Variants in GRK3 observed in about 807,000 individuals in gnomAD.
The protein encoded by GRK3 is adrenergic, beta, receptor kinase 2.
A neutral mutation model predicts 95.7 loss-of-function variants in GRK3; 54 were observed. The ratio of observed to expected loss-of-function variants is 0.56; its 90% CI spans 0.45 to 0.71. GRK3 has a LOEUF of 0.71. GRK3 is among the 30% of genes least tolerant of loss of function. The pLI, the probability that GRK3 is intolerant of heterozygous loss-of-function variation, is 0.00. For missense variants in GRK3, 649 were observed against 851.2 expected, an observed-to-expected ratio of 0.76 and a Z score of 2.96; for synonymous variants, 281 against 290.8, an observed-to-expected ratio of 0.97 and a Z score of 0.34.
chr22:25,649,225 A>G, intron 3 of GRK3: 1 of 1,267,030 alleles, frequency 7.9e-7, no homozygotes, highest in South Asian at 1.2e-5. Flanking sequence ...CAGCCAGGAG[A>G]AAACTTCTAA....
rs986318413 is a variant in GRK3 at position 25,678,865 on chromosome 22, G to T, written c.697G>T (p.Glu233Ter). 6.2e-7 allele frequency: 1 copy of T among 1,609,210 alleles called. No individual in the cohort carries two copies. ...GAAGAGGATCAAAATGAAACAAGGA[G>T]AAACATTAGCCTTAAATGAAAGAAT... Reference protein sequence around the residue: ...DKKRIKMKQGETLALNERIML... With the variant: ...DKKRIKMKQG The change falls in exon 9 of 21, where the codon GAA becomes TAA. Residue 233 changes from glutamate (E) to a stop codon, truncating the protein, a stop_gained. Transcript: ENST00000324198. LOFTEE classifies it high-confidence loss of function.
rs1932383800 is a variant in GRK3, at chr22:25,588,238, C to G, written c.114-16139C>G. Reference sequence around the variant, plus strand: ...GATTTTTGTATCTGATGACTGTGGGCCAGTGAAATTCAAGTATATTTATTG... The same window carrying G: ...GATTTTTGTATCTGATGACTGTGGGGCAGTGAAATTCAAGTATATTTATTG... On this transcript the variant is annotated intron_variant, in intron 1 of 20. Transcript: ENST00000324198. Among the ~76,000 whole-genome samples the G allele has an allele frequency of 2.0e-5, 3 of 152,128 alleles. No homozygotes were observed. The South Asian group carries it at 6.2e-4, about 32-fold the overall frequency.
chr22:25,569,676 T>A (rs111992521), intron 1 of GRK3, among the ~76,000 whole-genome samples: 3,004 of 152,260 alleles, frequency 0.02, 46 homozygotes, highest in Non-Finnish European at 0.028. Context: ...AAATGCAAAG[T>A]AGTATTAAAT....
chr22:25,685,342 G>T (rs897996867), intron 10 of GRK3, 94 bp downstream of exon 10: 3 of 931,742 alleles, frequency 3.2e-6, no homozygotes, highest in Non-Finnish European at 5.3e-6. Context: ...GGCAATGTGG[G>T]TCTTTCAGGT....
chr22:25,662,431 GC>G (rs2084915427), intron 4 of GRK3, among the ~76,000 whole-genome samples: 1 of 152,192 alleles, frequency 6.6e-6, no homozygotes, highest in Admixed American at 6.5e-5. Context: ...GTTACATGGG[GC>G]TAGTGGCTTT....
intron 15 of GRK3, among the ~76,000 whole-genome samples, chr22:25,706,026 T>C (rs1006162496): frequency 6.6e-6 from 1 of 152,178 alleles, no homozygotes; most frequent in African/African-American, 2.4e-5. Flanking sequence ...TCCTCCTCTG[T>C]TTCTCATAGA....
rs1448860795 is a variant in GRK3, at chr22:25,727,247, A to C, written c.*4797A>C. On this transcript the variant is annotated 3_prime_UTR_variant, in exon 21 of 21. Coordinates refer to ENST00000324198, the MANE Select transcript of GRK3 (RefSeq NM_005160.4). ...CTCCTATGTAAAGTTTACTGGAGAG[A>C]CTTGAATTACTTAAATTCATGTTAA... 6.6e-6 allele frequency: 1 copy of C among 152,078 alleles called. No individual in the cohort carries two copies. The highest frequency in any genetic ancestry group is 1.5e-5 in the Non-Finnish European group (1 of 68,016). The allele number at this position is 152,078 out of a possible 1,614,324, so 9.4% of individuals were successfully genotyped here. A position where few individuals can be genotyped will look rare whatever the true frequency, so the allele number is the denominator to read the frequency against.
chr22:25,602,410 C>T (rs940595177), intron 1 of GRK3, among the ~76,000 whole-genome samples: 1 of 152,130 alleles, frequency 6.6e-6, no homozygotes, highest in Non-Finnish European at 1.5e-5. Context: ...TAATATAGTT[C>T]ATCAGTTTTT....
rs574323657 is a variant in GRK3 at position 25,673,444 on chromosome 22, CT to C, written c.556-992del. Among the ~76,000 whole-genome samples, 20 of 151,148 alleles carry C rather than the reference CT, an allele frequency of 1.3e-4. No individual in the cohort carries two copies. In the South Asian group the frequency reaches 4.0e-3, roughly 30 times the overall value. On this transcript the variant is annotated intron_variant, in intron 7 of 20. Transcript: ENST00000324198. ...ATTTTTTTTTTTTTCAATTTCTAAC[CT>C]CCTTTTCCCATCATATTTCCTGGAA...
intron 9 of GRK3, among the ~76,000 whole-genome samples, chr22:25,683,787 TG>T (rs1361985995): frequency 6.6e-6 from 1 of 152,208 alleles, no homozygotes; most frequent in Non-Finnish European, 1.5e-5. Context: ...TGTGTATTTA[TG>T]GGTTGCATAT....
chr22:25,604,766 T>TG (rs1362331682), intron 2 of GRK3, among the ~76,000 whole-genome samples: 1 of 152,262 alleles, frequency 6.6e-6, no homozygotes, highest in Non-Finnish European at 1.5e-5. Flanking sequence ...TGAGGTGGTT[T>TG]GCTGGGGAGC....
At chr22:25,620,001 CTTTT>C (rs34132299) in intron 2 of GRK3, among the ~76,000 whole-genome samples, 2 of 105,938 alleles carry the variant, frequency 1.9e-5, no homozygotes, top group Non-Finnish European at 3.6e-5. Context: ...TTTCCTTTGT[CTTTT>C]TTGTGTGTGT....
At chr22:25,664,518 T>C (rs111552994) in intron 5 of GRK3, among the ~76,000 whole-genome samples, 8,634 of 115,782 alleles carry the variant, frequency 0.075, 301 homozygotes, top group African/African-American at 0.2. Flanking sequence ...ACTTTGGCAT[T>C]TTTTTTTTTT....
In GRK3 at chr22:25,727,068, G is replaced by C. The variant is rs1271358454; in HGVS notation, c.*4618G>C. On this transcript the variant is annotated 3_prime_UTR_variant, in exon 21 of 21. Transcript: ENST00000324198. ...AATCCACTGAAGTCCTGGTAAAACT[G>C]TCAAGAGTAACAGGCCTCTTCTGTT... is the stretch of plus-strand genomic sequence containing the variant. 2.0e-5 allele frequency: 3 copies of C among 152,078 alleles called. No homozygotes were observed. Among genetic ancestry groups the C allele is most frequent in the Non-Finnish European group, 4.4e-5 (3 of 68,064 alleles). 9.4% of individuals were successfully genotyped at this position (152,078 alleles called of 1,614,324 possible).
Position 25,687,459 on chromosome 22 carries a change from C to G in GRK3, c.827-78C>G, listed in dbSNP as rs2085124855. On this transcript the variant is annotated intron_variant, in intron 10 of 20. Transcript: ENST00000324198. ...ATAGTTTCCCTTTTTCTGCTGAGTC[C>G]TGACTATTTAGGATGACAATGATAT... The G allele has an allele frequency of 5.9e-6, 9 of 1,514,572 alleles. No homozygotes were observed. In the Admixed American group the frequency reaches 1.6e-4, roughly 27 times the overall value. 93.8% of individuals were successfully genotyped at this position (1,514,572 alleles called of 1,614,324 possible).
chr22:25,684,253 T>C (rs1451971641), intron 9 of GRK3, among the ~76,000 whole-genome samples: 1 of 152,284 alleles, frequency 6.6e-6, no homozygotes, highest in African/African-American at 2.4e-5. Flanking sequence ...TCTGAATTAC[T>C]GTTGCTTTCT....
At chr22:25,567,281 C>T (rs1931524683) in intron 1 of GRK3, among the ~76,000 whole-genome samples, 1 of 152,124 alleles carries the variant, frequency 6.6e-6, no homozygotes. Flanking sequence ...TTGTTTTCTA[C>T]TTATCTTAGT....
chr22:25,706,814 T>C (rs1276691805), intron 15 of GRK3, among the ~76,000 whole-genome samples: 2 of 152,172 alleles, frequency 1.3e-5, no homozygotes, highest in African/African-American at 4.8e-5. Context: ...TGAGCCACCA[T>C]GTCTGGCCTA....
intron 14 of GRK3, 114 bp from the exon 15 acceptor site, chr22:25,703,995 G>A (rs2085279261): frequency 5.6e-6 from 4 of 711,030 alleles, no homozygotes; most frequent in East Asian, 2.7e-5. Context: ...AATTCATAAT[G>A]AGGCTGCAAT....
Sources: allele counts gnomAD v4.1 joint callset (sites outside exome capture counted in the v4.1 genomes callset), GRCh38; gene constraint gnomAD v4.1.1; transcripts MANE v1.5; gene names NCBI Gene and HGNC (gene_info 2026-07-23, HGNC 2026-07-21).